The following SLC41A2 variants were observed in gnomAD, a reference collection of about 807,000 sequenced individuals.
SLC41A2 encodes the protein SLC41A1-like 1.
A neutral mutation model predicts 58.3 loss-of-function variants in SLC41A2; 32 were observed. That is an observed-to-expected ratio of 0.55 (90% confidence interval 0.41 to 0.74). The LOEUF is 0.74. Among genes scored for constraint, SLC41A2 ranks in the 30% least tolerant of loss-of-function variants. The pLI, the probability that SLC41A2 is intolerant of heterozygous loss-of-function variation, is 0.00. For synonymous variants in SLC41A2, 190 were observed against 235.0 expected (o/e 0.81, Z 1.75); for missense variants, 514 against 680.6 (o/e 0.76, Z 2.72).
At chr12:104,922,433 T>C (rs1305677020) in intron 2 of SLC41A2, among the ~76,000 whole-genome samples, 1 of 152,126 alleles carries the variant, frequency 6.6e-6, no homozygotes, top group African/African-American at 2.4e-5. Context: ...GAGACCACTA[T>C]ATAATGATAA....
chr12:104,854,128 T>C (rs1293568341), intron 8 of SLC41A2, among the ~76,000 whole-genome samples: 2 of 151,770 alleles, frequency 1.3e-5, no homozygotes, highest in African/African-American at 4.8e-5. Flanking sequence ...CTCATTTTAT[T>C]TATAAAGCCC....
At chr12:104,845,805 C>T in intron 9 of SLC41A2, 38 bp downstream of exon 9, 1 of 1,574,272 alleles carries the variant, frequency 6.4e-7, no homozygotes, top group East Asian at 2.3e-5. Flanking sequence ...GAGCAATAGC[C>T]CTTGATCTAA....
intron 10 of SLC41A2, among the ~76,000 whole-genome samples, chr12:104,810,234 G>A (rs972825917): frequency 1.3e-5 from 2 of 152,100 alleles, no homozygotes; most frequent in African/African-American, 4.8e-5. Context: ...AAGTTATGCA[G>A]TAAACTCAAA....
At chr12:104,865,951 G>T (rs1302842499) in intron 7 of SLC41A2, among the ~76,000 whole-genome samples, 5 of 152,082 alleles carry the variant, frequency 3.3e-5, no homozygotes, top group African/African-American at 1.2e-4. Context: ...GAGGATGCTT[G>T]CAGCTAAATC....
intron 3 of SLC41A2, among the ~76,000 whole-genome samples, chr12:104,905,425 A>G (rs1192979306): frequency 6.6e-6 from 1 of 152,250 alleles, no homozygotes; most frequent in Non-Finnish European, 1.5e-5. Flanking sequence ...CGTCCCCACC[A>G]GACTCAGGAG....
intron 3 of SLC41A2, among the ~76,000 whole-genome samples, chr12:104,897,143 TC>T (rs2045326319): frequency 8.3e-6 from 1 of 120,396 alleles, no homozygotes; most frequent in Non-Finnish European, 1.8e-5. Flanking sequence ...TTTTCTTTTT[TC>T]TTTTTTTTTT....
At chr12:104,839,703 C>A (rs573563496) in intron 10 of SLC41A2, among the ~76,000 whole-genome samples, 7 of 152,130 alleles carry the variant, frequency 4.6e-5, no homozygotes, top group Non-Finnish European at 1.0e-4. Flanking sequence ...TGGTGTTTCA[C>A]CATGTTGGTC....
At chr12:104,934,066 A>T (rs1313928724) in intron 1 of SLC41A2, among the ~76,000 whole-genome samples, 1 of 120,214 alleles carries the variant, frequency 8.3e-6, no homozygotes, top group African/African-American at 3.8e-5. Context: ...TAAAGCTACT[A>T]AAAAAAAAAA....
intron 10 of SLC41A2, among the ~76,000 whole-genome samples, chr12:104,828,737 A>G (rs2041938524): frequency 6.6e-6 from 1 of 152,198 alleles, no homozygotes; most frequent in African/African-American, 2.4e-5. Context: ...TGAAAATAAA[A>G]AGACAATTGA....
chr12:104,866,897 T>C (rs2135529986), intron 6 of SLC41A2, among the ~76,000 whole-genome samples: 1 of 152,222 alleles, frequency 6.6e-6, no homozygotes, highest in Non-Finnish European at 1.5e-5. Flanking sequence ...TCCTACTATA[T>C]ACCAAGTACT....
chr12:104,805,267 C>G lies in SLC41A2; in HGVS notation c.1607G>C (p.Ser536Thr), dbSNP rs923426324. The change falls in exon 11 of 11, where the codon AGT becomes ACT. Residue 536 changes from serine to threonine, a missense_variant. Physicochemically the swap from Ser to Thr is moderately conservative, Grantham distance 58 (BLOSUM62 1). Around this residue, in one of 3 missense-constraint regions of SLC41A2, gnomAD observed 128 missense variants for 146.0 expected, o/e 0.88. Coordinates refer to ENST00000258538, the MANE Select transcript of SLC41A2 (RefSeq NM_001352171.3). ...HFWRKGKDPDSFSIPYLTALG... is the reference protein window; with the variant it reads ...HFWRKGKDPDTFSIPYLTALG... ...TGCTGTTAGGTAGGGGATGGAGAAA[C>G]TATCCGGGTCCTTTCCTTTCCTCCA... is the stretch of plus-strand genomic sequence containing the variant. The G allele has an allele frequency of 3.7e-6, 6 of 1,613,938 alleles. No individual in the cohort carries two copies. The highest frequency in any genetic ancestry group is 5.1e-6 in the Non-Finnish European group (6 of 1,179,864).
chr12:104,813,450 A>G (rs1044106859), intron 10 of SLC41A2, among the ~76,000 whole-genome samples: 7 of 152,188 alleles, frequency 4.6e-5, no homozygotes. Flanking sequence ...TGACAACTAG[A>G]AGTCAATAGA....
chr12:104,934,454 C>T (rs985169893), intron 1 of SLC41A2, among the ~76,000 whole-genome samples: 2 of 151,986 alleles, frequency 1.3e-5, no homozygotes, highest in African/African-American at 4.8e-5. Context: ...TGAAAAGATC[C>T]ACTACTTAAT....
intron 1 of SLC41A2, among the ~76,000 whole-genome samples, chr12:104,932,407 C>T (rs1410921809): frequency 6.6e-6 from 1 of 151,976 alleles, no homozygotes; most frequent in Non-Finnish European, 1.5e-5. Flanking sequence ...AGGAGAACTA[C>T]TTGAGCCCAG....
intron 6 of SLC41A2, among the ~76,000 whole-genome samples, chr12:104,883,993 C>G (rs1000535106): frequency 1.3e-5 from 2 of 152,226 alleles, no homozygotes; most frequent in African/African-American, 2.4e-5. Flanking sequence ...GTGGTGGGCT[C>G]CACCCAGTTT....
intron 10 of SLC41A2, among the ~76,000 whole-genome samples, chr12:104,824,594 T>C (rs1163415938): frequency 6.6e-6 from 1 of 152,146 alleles, no homozygotes; most frequent in Non-Finnish European, 1.5e-5. Context: ...CAGAAAGCCC[T>C]CTGTCCTTGC....
chr12:104,880,924 A>G (rs2044336344), intron 6 of SLC41A2, among the ~76,000 whole-genome samples: 1 of 152,152 alleles, frequency 6.6e-6, no homozygotes, highest in South Asian at 2.1e-4. Flanking sequence ...GGTAGAATTC[A>G]GCTGTGAATC....
intron 10 of SLC41A2, among the ~76,000 whole-genome samples, chr12:104,814,900 A>G (rs2041325529): frequency 6.6e-6 from 1 of 152,232 alleles, no homozygotes; most frequent in African/African-American, 2.4e-5. Context: ...TAAAACGAAT[A>G]AATTTATGTC....
At chr12:104,840,885 G>T (rs1246535583) in intron 10 of SLC41A2, among the ~76,000 whole-genome samples, 1 of 152,090 alleles carries the variant, frequency 6.6e-6, no homozygotes, top group Non-Finnish European at 1.5e-5. Flanking sequence ...TCAAATTTAA[G>T]TTGGCTTTTT....
Sources: allele counts gnomAD v4.1 joint callset (sites outside exome capture counted in the v4.1 genomes callset), GRCh38; gene constraint gnomAD v4.1.1; regional missense constraint gnomAD v4.1.1; transcripts MANE v1.5; gene names NCBI Gene and HGNC (gene_info 2026-07-23, HGNC 2026-07-21).